PTPRG: variants seen among roughly 807,000 people sequenced by gnomAD.
The protein encoded by PTPRG is protein tyrosine phosphatase receptor type G.
Under a neutral mutation model 165.3 loss-of-function variants are expected in PTPRG, and 102 were observed. The ratio of observed to expected loss-of-function variants is 0.62; its 90% CI spans 0.53 to 0.73. The LOEUF is 0.73. PTPRG is among the 30% of genes least tolerant of loss of function. The pLI, the probability that PTPRG is intolerant of heterozygous loss-of-function variation, is 0.00. For missense variants in PTPRG, 1,866 were observed against 1,861.4 expected (o/e 1.00, Z -0.05); for synonymous variants, 675 against 669.5 (o/e 1.01, Z -0.13).
intron 5 of PTPRG, among the ~76,000 whole-genome samples, chr3:62,101,368 A>G (rs1268878551): frequency 1.3e-5 from 2 of 152,256 alleles, no homozygotes; most frequent in East Asian, 3.8e-4. Context: ...AATATGGAAA[A>G]TTCCGACAGG....
intron 1 of PTPRG, among the ~76,000 whole-genome samples, chr3:61,695,317 G>A (rs569372750): frequency 6.6e-6 from 1 of 152,214 alleles, no homozygotes; most frequent in African/African-American, 2.4e-5. Flanking sequence ...GGCGTGTTTG[G>A]CTTTTTATTG....
intron 2 of PTPRG, among the ~76,000 whole-genome samples, chr3:61,903,656 G>A (rs1436763917): frequency 1.3e-5 from 2 of 152,140 alleles, no homozygotes; most frequent in Non-Finnish European, 2.9e-5. Flanking sequence ...TTAATTGCGT[G>A]AGCCACCGTG....
intron 16 of PTPRG, among the ~76,000 whole-genome samples, chr3:62,258,328 A>G (rs1271748293): frequency 4.6e-5 from 7 of 152,238 alleles, no homozygotes; most frequent in East Asian, 1.9e-4. Flanking sequence ...TTCTCTGGAC[A>G]TAATATAAGA....
At chr3:62,184,865 G>T (rs1305451816) in intron 8 of PTPRG, among the ~76,000 whole-genome samples, 4 of 152,178 alleles carry the variant, frequency 2.6e-5, no homozygotes, top group Non-Finnish European at 1.5e-5. Context: ...TATTTGGCCA[G>T]TTGCGTCGGG....
At chr3:62,149,532 A>C (rs1559568850) in intron 6 of PTPRG, among the ~76,000 whole-genome samples, 1 of 152,116 alleles carries the variant, frequency 6.6e-6, no homozygotes, top group South Asian at 2.1e-4. Context: ...CCTCCCCCAA[A>C]GTACTGGGAA....
At chr3:61,722,728 T>C (rs1455967587) in intron 1 of PTPRG, among the ~76,000 whole-genome samples, 1 of 152,232 alleles carries the variant, frequency 6.6e-6, no homozygotes, top group Non-Finnish European at 1.5e-5. Context: ...ACGGTGAATT[T>C]TATGTTATGT....
chr3:61,923,017 T>C (rs948784736), intron 2 of PTPRG, among the ~76,000 whole-genome samples: 5 of 152,238 alleles, frequency 3.3e-5, no homozygotes, highest in Non-Finnish European at 7.3e-5. Context: ...ATTTTCTTCA[T>C]AAAGATTATC....
chr3:61,717,566 T>C (rs2031861105), intron 1 of PTPRG, among the ~76,000 whole-genome samples: 1 of 151,940 alleles, frequency 6.6e-6, no homozygotes, highest in South Asian at 2.1e-4. Context: ...GGCAAGCGGA[T>C]CATGAGGTCA....
intron 4 of PTPRG, among the ~76,000 whole-genome samples, chr3:62,042,357 A>G (rs533061986): frequency 8.5e-5 from 13 of 152,348 alleles, no homozygotes; most frequent in African/African-American, 2.4e-4. Flanking sequence ...TGGGTGTCCC[A>G]GTGTCCATAT....
intron 2 of PTPRG, among the ~76,000 whole-genome samples, chr3:61,878,713 G>T (rs1026970956): frequency 3.3e-5 from 5 of 151,724 alleles, no homozygotes; most frequent in African/African-American, 4.8e-5. Flanking sequence ...TATGTTGCCC[G>T]GGTTGGTCTC....
chr3:61,736,299 C>T (rs1344453516), intron 1 of PTPRG, among the ~76,000 whole-genome samples: 8 of 151,240 alleles, frequency 5.3e-5, no homozygotes, highest in Admixed American at 4.6e-4. Context: ...AAGTATCATA[C>T]AGGCAGGAAG....
At chr3:61,665,246 C>T (rs1702778485) in intron 1 of PTPRG, among the ~76,000 whole-genome samples, 1 of 152,176 alleles carries the variant, frequency 6.6e-6, no homozygotes, top group African/African-American at 2.4e-5. Context: ...AAATACATTG[C>T]TGGCCTTCTG....
chr3:61,859,550 C>G (rs1051639890), intron 2 of PTPRG, among the ~76,000 whole-genome samples: 1 of 151,792 alleles, frequency 6.6e-6, no homozygotes. Flanking sequence ...ATTCTATGAG[C>G]CCCCAGGACA....
chr3:61,885,511 T>G (rs2038003746), intron 2 of PTPRG, among the ~76,000 whole-genome samples: 1 of 151,344 alleles, frequency 6.6e-6, no homozygotes, highest in Non-Finnish European at 1.5e-5. Flanking sequence ...CCTCTCACAT[T>G]TAACCCCAAT....
intron 14 of PTPRG, among the ~76,000 whole-genome samples, chr3:62,236,107 T>G (rs1701028065): frequency 6.6e-6 from 1 of 152,224 alleles, no homozygotes; most frequent in Non-Finnish European, 1.5e-5. Flanking sequence ...TTTTATAAAC[T>G]GAATCACTTA....
chr3:61,623,855 G>A (rs1338256702), intron 1 of PTPRG, among the ~76,000 whole-genome samples: 1 of 152,184 alleles, frequency 6.6e-6, no homozygotes, highest in Non-Finnish European at 1.5e-5. Context: ...CAAAACATCT[G>A]AGGAGACAGG....
At chr3:62,248,908 C>T (rs1223862967) in intron 15 of PTPRG, among the ~76,000 whole-genome samples, 3 of 152,146 alleles carry the variant, frequency 2.0e-5, no homozygotes. Flanking sequence ...CTGGCTTCAG[C>T]AGGGTGCCAG....
At chr3:61,611,608 A>C (rs566595634) in intron 1 of PTPRG, among the ~76,000 whole-genome samples, 1 of 152,156 alleles carries the variant, frequency 6.6e-6, no homozygotes, top group Non-Finnish European at 1.5e-5. Context: ...GCTTTCCCCA[A>C]ATTTGTGGGT....
At chr3:62,008,907 C>G (rs1293839292) in intron 4 of PTPRG, among the ~76,000 whole-genome samples, 1 of 152,192 alleles carries the variant, frequency 6.6e-6, no homozygotes, top group African/African-American at 2.4e-5. Flanking sequence ...CAGATCCTAA[C>G]AGGCCATGGA....
Sources: allele counts gnomAD v4.1 joint callset (sites outside exome capture counted in the v4.1 genomes callset), GRCh38; gene constraint gnomAD v4.1.1; transcripts MANE v1.5; gene names NCBI Gene and HGNC (gene_info 2026-07-23, HGNC 2026-07-21).